KLHL5: variants seen among roughly 807,000 people sequenced by gnomAD.
KLHL5 encodes the protein kelch-like protein 5.
KLHL5 carries 48 observed loss-of-function variants against 77.7 expected under a neutral mutation model. The ratio of observed to expected loss-of-function variants is 0.62; its 90% CI spans 0.49 to 0.79. The LOEUF is 0.79. KLHL5 is among the 30% of genes least tolerant of loss of function. The probability of loss-of-function intolerance (pLI) is 0.00; values close to 1 mark genes in which losing one functional copy is unlikely to be tolerated. For missense variants in KLHL5, 723 were observed against 859.7 expected (o/e 0.84, Z 1.99); for synonymous variants, 260 against 297.0 (o/e 0.88, Z 1.28).
chr4:39,060,616 C>T (rs906475323), upstream of KLHL5, among the ~76,000 whole-genome samples: 4 of 152,116 alleles, frequency 2.6e-5, no homozygotes, highest in African/African-American at 9.7e-5. Context: ...CTCTGGGAGG[C>T]AAACAGTGTT....
chr4:39,073,191 C>T (rs1718655143), intron 1 of KLHL5, among the ~76,000 whole-genome samples: 1 of 152,134 alleles, frequency 6.6e-6, no homozygotes, highest in Non-Finnish European at 1.5e-5. Context: ...TGAAATGCTC[C>T]CTGGGTTGTC....
intron 9 of KLHL5, among the ~76,000 whole-genome samples, chr4:39,113,971 A>AGT (rs1000446971): frequency 2.8e-4 from 42 of 151,680 alleles, no homozygotes; most frequent in South Asian, 4.2e-4. Flanking sequence ...TGTGACAGAG[A>AGT]GTGTGTGTGT....
chr4:39,108,073 A>G (rs1004373567), intron 8 of KLHL5, among the ~76,000 whole-genome samples: 2 of 151,690 alleles, frequency 1.3e-5, no homozygotes, highest in Non-Finnish European at 2.9e-5. Flanking sequence ...AAAAGTATAT[A>G]TGGTCTTTTA....
chr4:39,050,116 T>C (rs1436122602), intron 1 of KLHL5, among the ~76,000 whole-genome samples: 1 of 152,066 alleles, frequency 6.6e-6, no homozygotes, highest in Non-Finnish European at 1.5e-5. Context: ...ACAATCACAA[T>C]AGAAAATAGC....
At chr4:39,067,427 T>A (rs188675895) in intron 1 of KLHL5, among the ~76,000 whole-genome samples, 1 of 138,992 alleles carries the variant, frequency 7.2e-6, no homozygotes, top group African/African-American at 2.7e-5. Context: ...GTGACCTTGA[T>A]CACTTGGAAA....
chr4:39,086,610 T>A lies in KLHL5; in HGVS notation c.996T>A (p.Pro332=). Residue 332 remains proline, a synonymous_variant, in exon 5 of 11, where the codon CCT becomes CCA. Transcript: ENST00000504108. ...TGGCTAGTGATGACATGAACATTCC[T>A]AATGAGGAGACAATATTGAATGCAC... ...KLLASDDMNI[P]NEETILNALL... is the part of the protein sequence containing the mutation. 4.3e-6 allele frequency: 7 copies of A among 1,613,948 alleles called. No individual in the cohort carries two copies. Among genetic ancestry groups the A allele is most frequent in the Non-Finnish European group, 5.9e-6 (7 of 1,179,888 alleles).
intron 1 of KLHL5, among the ~76,000 whole-genome samples, chr4:39,069,473 T>C (rs4975027): frequency 0.033 from 2,315 of 69,914 alleles, 81 homozygotes; most frequent in African/African-American, 0.11. Flanking sequence ...TATATATATA[T>C]ACACACACAC....
chr4:39,133,771 G>T, the KLHL5 span: 1 of 151,934 alleles, frequency 6.6e-6, no homozygotes, highest in East Asian at 1.9e-4. Flanking sequence ...ACAGCCCACA[G>T]GTCAACTCTG....
chr4:39,115,205 A>G lies in KLHL5; in HGVS notation c.1948A>G (p.Ile650Val). Residue 650 changes from isoleucine (I) to valine (V), a missense_variant, in exon 10 of 11, where the codon ATC becomes GTC. By Grantham distance (29) the Ile-to-Val change is conservative. Transcript: ENST00000504108. ...DMWTAVASMS[I>V]SRDAVGVCLL... ...GTGGACTGCAGTAGCATCCATGAGC[A>G]TCAGCAGAGATGCAGTGGGGGTCTG... 1 of 1,613,814 alleles carries G rather than the reference A, an allele frequency of 6.2e-7. No homozygotes were observed. The highest frequency in any genetic ancestry group is 8.5e-7 in the Non-Finnish European group (1 of 1,179,910).
At chr4:39,134,443 A>T in the KLHL5 span, among the ~76,000 whole-genome samples, 1 of 152,220 alleles carries the variant, frequency 6.6e-6, no homozygotes, top group Non-Finnish European at 1.5e-5. Context: ...CAAACTAGCT[A>T]GTAAATGTCA....
upstream of KLHL5, among the ~76,000 whole-genome samples, chr4:39,058,849 G>C (rs537736065): frequency 6.6e-6 from 1 of 152,098 alleles, no homozygotes; most frequent in Non-Finnish European, 1.5e-5. Context: ...TGGGATTACA[G>C]TGATAACCAA....
chr4:39,076,302 A>T (rs1484396810), intron 2 of KLHL5, among the ~76,000 whole-genome samples, 155 bp downstream of exon 2: 2 of 152,212 alleles, frequency 1.3e-5, no homozygotes, highest in Non-Finnish European at 2.9e-5. Flanking sequence ...TGAAATTATT[A>T]CACATTTGGT....
At chr4:39,065,378 C>T (rs892138445) in intron 1 of KLHL5, among the ~76,000 whole-genome samples, 8 of 140,602 alleles carry the variant, frequency 5.7e-5, no homozygotes, top group Non-Finnish European at 9.1e-5. Flanking sequence ...TTTTTTGAGA[C>T]AGAGTCTCGC....
At chr4:39,116,826 T>C (rs1722873470) in intron 10 of KLHL5, among the ~76,000 whole-genome samples, 1 of 151,674 alleles carries the variant, frequency 6.6e-6, no homozygotes, top group African/African-American at 2.4e-5. Context: ...CAAAAATTTG[T>C]GGGTTTTTTT....
At chr4:39,069,473 T>TATATATAC (rs1718244864) in intron 1 of KLHL5, among the ~76,000 whole-genome samples, 1 of 70,334 alleles carries the variant, frequency 1.4e-5, no homozygotes, top group Admixed American at 1.5e-4. Flanking sequence ...TATATATATA[T>TATATATAC]ACACACACAC....
chr4:39,091,982 G>C (rs1004060079), intron 5 of KLHL5, among the ~76,000 whole-genome samples: 1 of 150,054 alleles, frequency 6.7e-6, no homozygotes, highest in African/African-American at 2.5e-5. Context: ...ACCTCGCCCA[G>C]CCTCCAAAAC....
intron 1 of KLHL5, among the ~76,000 whole-genome samples, chr4:39,063,335 T>C (rs1266204577): frequency 6.6e-6 from 1 of 152,142 alleles, no homozygotes; most frequent in African/African-American, 2.4e-5. Context: ...TTGCCTGTGG[T>C]TTGCTTCATT....
intron 8 of KLHL5, among the ~76,000 whole-genome samples, chr4:39,111,102 T>C (rs1176969299): frequency 6.6e-6 from 1 of 152,190 alleles, no homozygotes; most frequent in Non-Finnish European, 1.5e-5. Context: ...TGTTACCAAT[T>C]GGTTTTAACC....
chr4:39,093,435 G>C (rs1343369427), intron 5 of KLHL5: 1 of 455,768 alleles, frequency 2.2e-6, no homozygotes, highest in East Asian at 7.0e-5. Context: ...TCCACAACTT[G>C]GTAATTTACT....
Sources: gnomAD v4.1 joint callset for allele counts (sites outside exome capture counted in the v4.1 genomes callset) on GRCh38, gnomAD v4.1.1 for gene constraint, MANE v1.5 for transcripts, NCBI Gene and HGNC (gene_info 2026-07-23, HGNC 2026-07-21) for gene names.